Variants in TGFA observed in about 807,000 individuals in gnomAD.
The protein encoded by TGFA is transforming growth factor alpha.
A neutral mutation model predicts 21.7 loss-of-function variants in TGFA; 12 were observed. The observed-to-expected ratio is 0.55, with a 90% confidence interval of 0.35 to 0.90. The LOEUF (loss-of-function observed/expected upper bound fraction) is 0.90, where lower values mean the gene tolerates loss of function less well. Among genes scored for constraint, TGFA ranks in the 40% least tolerant of loss-of-function variants. TGFA has a pLI of 0.01. For missense variants in TGFA, 178 were observed against 210.8 expected (o/e 0.84, Z 0.96); for synonymous variants, 79 against 88.1 (o/e 0.90, Z 0.58).
At chr2:70,509,713 G>A (rs1553500691) in intron 2 of TGFA, among the ~76,000 whole-genome samples, 1 of 152,196 alleles carries the variant, frequency 6.6e-6, no homozygotes, top group Non-Finnish European at 1.5e-5. Flanking sequence ...ATGGAAGCCT[G>A]GAGGCTGGTT....
chr2:70,533,276 C>T (rs988822020), intron 1 of TGFA, among the ~76,000 whole-genome samples: 5 of 152,282 alleles, frequency 3.3e-5, no homozygotes, highest in East Asian at 1.9e-4. Context: ...GAAGAAATTT[C>T]GACCCAAAGG....
At chr2:70,553,366 G>T in intron 1 of TGFA, 1 of 1,462,924 alleles carries the variant, frequency 6.8e-7, no homozygotes, top group South Asian at 1.4e-5. Flanking sequence ...CAGCGACGCC[G>T]GCTGAGCCGG....
At position 70,483,219 on chromosome 2, in the gene TGFA, T is replaced by G. The variant is rs927987303; in HGVS notation, c.95-17483A>C. On this transcript the variant is annotated intron_variant, in intron 2 of 5. Coordinates refer to ENST00000295400, the MANE Select transcript of TGFA (RefSeq NM_003236.4). ...TAAAAAAGAAGTAAAGTTAATCTGC[T>G]GTGACTTTTCATTCTTTATTTGCTG... Among the ~76,000 whole-genome samples, 3 of 152,264 alleles carry G rather than the reference T, an allele frequency of 2.0e-5. No homozygotes were observed. In the East Asian group the frequency reaches 5.8e-4, roughly 29 times the overall value.
rs147241222 is a variant in TGFA at position 70,453,278 on chromosome 2, G to A, written c.415C>T (p.Arg139Trp). The stretch of plus-strand genomic sequence containing the variant: ...AGGAGGGCGCTGGGCTTCTCGTGCC[G>A]GCAGATGAGGGCCCGGCACCACTCA... ...HCEWCRALIC[R>W]HEKPSALLKG... The change falls in exon 5 of 6, where the codon CGG becomes TGG. Residue 139 changes from arginine (R) to tryptophan (W), a missense_variant. Transcript: ENST00000295400. 410 of 1,614,032 alleles carry A rather than the reference G, an allele frequency of 2.5e-4. 1 individual carries two copies. In the East Asian group the frequency reaches 4.3e-3, roughly 17 times the overall value.
chr2:70,464,251 C>T (rs1439326205), intron 3 of TGFA, among the ~76,000 whole-genome samples: 2 of 152,208 alleles, frequency 1.3e-5, no homozygotes, highest in Non-Finnish European at 2.9e-5. Flanking sequence ...CCCTGCTATG[C>T]GGGCTGGGTA....
Position 70,550,745 on chromosome 2 carries a change from C to T in TGFA, c.40+2983G>A, listed in dbSNP as rs1262974828. On this transcript the variant is annotated intron_variant, in intron 1 of 5. Coordinates refer to ENST00000295400, the MANE Select transcript of TGFA (RefSeq NM_003236.4). ...AGGCTGAGGCAGAATGGCGTGAACCCGGGAGGCGGAGCTTGCAGTGAGCCG... is the reference window on the plus strand; with the variant it reads ...AGGCTGAGGCAGAATGGCGTGAACCTGGGAGGCGGAGCTTGCAGTGAGCCG... 2.6e-5 allele frequency among the ~76,000 whole-genome samples: 4 copies of T among 152,204 alleles called. No homozygotes were observed. In the East Asian group the frequency reaches 5.8e-4, roughly 22 times the overall value.
intron 2 of TGFA, among the ~76,000 whole-genome samples, chr2:70,501,433 C>T (rs782390686): frequency 2.0e-5 from 3 of 152,142 alleles, no homozygotes; most frequent in Non-Finnish European, 4.4e-5. Context: ...AGGGCAATGA[C>T]TGTCCTTGGT....
chr2:70,523,112 T>G (rs1553502542), intron 1 of TGFA, among the ~76,000 whole-genome samples: 1 of 152,238 alleles, frequency 6.6e-6, no homozygotes, highest in Non-Finnish European at 1.5e-5. Context: ...GATTTAAGTC[T>G]GCTGAAGTGG....
chr2:70,456,469 C>T lies in TGFA; in HGVS notation c.235G>A (p.Gly79Ser). 6.2e-7 allele frequency: 1 copy of T among 1,608,076 alleles called. No individual in the cohort carries two copies. The highest frequency in any genetic ancestry group is 8.5e-7 in the Non-Finnish European group (1 of 1,177,378). The change falls in exon 4 of 6, where the codon GGT (glycine) becomes AGT (serine). Residue 79 changes from glycine (G) to serine (S), a missense_variant. Coordinates refer to ENST00000295400, the MANE Select transcript of TGFA (RefSeq NM_003236.4). ...AGGTCCGCATGCTCACAGCGTGCACCAACGTACCCAGAATGGCAGCTGGGG... is the reference window on the plus strand; with the variant it reads ...AGGTCCGCATGCTCACAGCGTGCACTAACGTACCCAGAATGGCAGCTGGGG... The part of the protein sequence containing the change: ...PACVCHSGYV[G>S]ARCEHADLLA...
chr2:70,531,429 C>T (rs191910313), intron 1 of TGFA, among the ~76,000 whole-genome samples: 1 of 152,026 alleles, frequency 6.6e-6, no homozygotes. Flanking sequence ...TCAAGTACTG[C>T]GTTTAAAAAA....
At chr2:70,486,887 C>A (rs1671286342) in intron 2 of TGFA, among the ~76,000 whole-genome samples, 2 of 152,272 alleles carry the variant, frequency 1.3e-5, no homozygotes, top group East Asian at 3.9e-4. Context: ...TCTCAGCCTC[C>A]TGAGTAGCTG....
At chr2:70,451,595 A>G (rs1670060338) in intron 5 of TGFA, 1 of 605,148 alleles carries the variant, frequency 1.7e-6, no homozygotes, top group Non-Finnish European at 2.9e-6. Context: ...AAGAAGTGAC[A>G]TTAACAAGAA....
At chr2:70,529,695 G>A (rs1346444464) in intron 1 of TGFA, among the ~76,000 whole-genome samples, 2 of 152,202 alleles carry the variant, frequency 1.3e-5, no homozygotes, top group Non-Finnish European at 2.9e-5. Context: ...CCAGTGGGGA[G>A]CACTAGGGGC....
intron 2 of TGFA, among the ~76,000 whole-genome samples, chr2:70,501,490 C>T (rs528685104): frequency 2.0e-5 from 3 of 152,198 alleles, no homozygotes; most frequent in African/African-American, 7.2e-5. Flanking sequence ...CCCTCCTGCT[C>T]ACTCACAAAA....
At chr2:70,538,218 T>C (rs1189200409) in intron 1 of TGFA, among the ~76,000 whole-genome samples, 8 of 152,220 alleles carry the variant, frequency 5.3e-5, no homozygotes, top group Admixed American at 3.9e-4. Flanking sequence ...TCATTGACAA[T>C]GCACCTGGGT....
intron 3 of TGFA, among the ~76,000 whole-genome samples, chr2:70,461,069 T>C (rs1670392246): frequency 6.6e-6 from 1 of 152,180 alleles, no homozygotes; most frequent in South Asian, 2.1e-4. Flanking sequence ...TGGGTCCCCA[T>C]TACAATCCTA....
intron 2 of TGFA, among the ~76,000 whole-genome samples, chr2:70,495,790 C>T (rs1671556416): frequency 6.6e-6 from 1 of 152,116 alleles, no homozygotes; most frequent in South Asian, 2.1e-4. Flanking sequence ...AGTTTTTCAT[C>T]TTGCATAACT....
chr2:70,456,394 C>G lies in TGFA; in HGVS notation c.310G>C (p.Val104Leu). 3.8e-6 allele frequency: 6 copies of G among 1,583,684 alleles called. No homozygotes were observed. The highest frequency in any genetic ancestry group is 5.2e-6 in the Non-Finnish European group (6 of 1,164,942). The change falls in exon 4 of 6, where the codon GTG becomes CTG. Residue 104 changes from valine (V) to leucine (L), a missense_variant. Val to Leu is a conservative substitution (Grantham distance 32, BLOSUM62 1). Coordinates refer to ENST00000295400, the MANE Select transcript of TGFA (RefSeq NM_003236.4). ...GCCAGGGCCACGATGGAGACCACCA[C>G]CAAGGCGGTGATGGCCTGCTTCTTC... is the stretch of plus-strand genomic sequence containing the variant. ...SQKKQAITALVVVSIVALAVL... is the reference protein window; with the variant it reads ...SQKKQAITALLVVSIVALAVL...
chr2:70,471,120 C>CCGCA (rs1252714144), intron 2 of TGFA, among the ~76,000 whole-genome samples: 16 of 149,426 alleles, frequency 1.1e-4, no homozygotes, highest in African/African-American at 4.0e-4. Context: ...CCCCCCCCAC[C>CCGCA]ATATAACCAA....
Sources: gnomAD v4.1 joint callset for allele counts (sites outside exome capture counted in the v4.1 genomes callset) on GRCh38, gnomAD v4.1.1 for gene constraint, MANE v1.5 for transcripts, NCBI Gene and HGNC (gene_info 2026-07-23, HGNC 2026-07-21) for gene names.